MRPS27: variants seen among roughly 807,000 people sequenced by gnomAD.
MRPS27 encodes mitochondrial ribosomal protein S27, also known as small ribosomal subunit protein mS27.
A neutral mutation model predicts 48.9 loss-of-function variants in MRPS27; 43 were observed. The ratio of observed to expected loss-of-function variants is 0.88; its 90% confidence interval spans 0.69 to 1.13. The LOEUF is 1.13. MRPS27 is among the 50% of genes most tolerant of loss of function. MRPS27 has a pLI of 0.00. For synonymous variants in MRPS27, 188 were observed against 171.9 expected (o/e 1.09, Z -0.73); for missense variants, 467 against 476.3 (o/e 0.98, Z 0.18).
chr5:72,254,115 TA>T (rs1281880534), intron 4 of MRPS27, among the ~76,000 whole-genome samples: 4 of 152,302 alleles, frequency 2.6e-5, no homozygotes, highest in East Asian at 1.9e-4. Context: ...ATAATACTCA[TA>T]AAATCTTCTT....
intron 4 of MRPS27, among the ~76,000 whole-genome samples, chr5:72,250,020 A>G (rs1252650843): frequency 2.0e-5 from 3 of 151,836 alleles, no homozygotes; most frequent in Admixed American, 1.3e-4. Context: ...TAACAAAAAA[A>G]CTCCAAGTAT....
At chr5:72,295,060 T>A (rs1385983039) in intron 4 of MRPS27, among the ~76,000 whole-genome samples, 1 of 152,158 alleles carries the variant, frequency 6.6e-6, no homozygotes, top group African/African-American at 2.4e-5. Context: ...TTTGTGTGTG[T>A]GTGTATAAAT....
chr5:72,287,942 C>T (rs982855766), intron 4 of MRPS27, among the ~76,000 whole-genome samples: 1 of 152,214 alleles, frequency 6.6e-6, no homozygotes, highest in African/African-American at 2.4e-5. Flanking sequence ...CGCATCTATA[C>T]AAAGACTTGT....
chr5:72,223,667 T>G lies in MRPS27; in HGVS notation c.1005+16A>C, dbSNP rs144450614. 1 of 1,613,674 alleles carries G rather than the reference T, an allele frequency of 6.2e-7. No homozygotes were observed. Among genetic ancestry groups the G allele is most frequent in the South Asian group, 1.1e-5 (1 of 91,054 alleles). ...TTTATGCGCTGCTAAGAGAGACACG[T>G]TCTGCTATGATTCACCTTAAATCGT... On this transcript the variant is annotated intron_variant, in intron 10 of 10. Coordinates refer to ENST00000261413, the MANE Select transcript of MRPS27 (RefSeq NM_015084.3).
At chr5:72,221,773 G>A (rs1043108201) in intron 10 of MRPS27, among the ~76,000 whole-genome samples, 3 of 152,232 alleles carry the variant, frequency 2.0e-5, no homozygotes, top group Non-Finnish European at 2.9e-5. Flanking sequence ...AGAAGCGTCT[G>A]CCTGCTGTGC....
rs188024126 is a variant in MRPS27 at position 72,226,057 on chromosome 5, C to T, written c.837G>A (p.Ala279=). Residue 279 remains alanine (A), a splice_region_variant and synonymous_variant, in exon 9 of 11, where the codon GCG becomes GCA. Transcript: ENST00000261413. ...ACTGCCTTAGAGCTGAAGAACATAC[C>T]GCTTCTCTACACAGCTTTATGTCTT... ...SPEDIKLCRE[A]LDVLGAVLKA... The T allele has an allele frequency of 4.3e-5, 70 of 1,610,730 alleles. No individual in the cohort carries two copies. The highest frequency in any genetic ancestry group is 2.7e-4 in the East Asian group (12 of 44,738).
At chr5:72,272,674 G>A (rs899369162) in intron 4 of MRPS27, among the ~76,000 whole-genome samples, 2 of 152,310 alleles carry the variant, frequency 1.3e-5, no homozygotes, top group African/African-American at 4.8e-5. Flanking sequence ...GTATGGCTTA[G>A]CTGCAAGTAC....
chr5:72,295,828 A>C (rs549554700), intron 3 of MRPS27, among the ~76,000 whole-genome samples: 3 of 152,242 alleles, frequency 2.0e-5, no homozygotes, highest in Non-Finnish European at 4.4e-5. Flanking sequence ...AACCTTGATC[A>C]GAAAACGGAT....
chr5:72,296,081 T>C (rs1271844797), intron 3 of MRPS27, among the ~76,000 whole-genome samples: 1 of 152,202 alleles, frequency 6.6e-6, no homozygotes, highest in East Asian at 1.9e-4. Flanking sequence ...AGCTCTGCTA[T>C]GCAACAGTAA....
intron 2 of MRPS27, among the ~76,000 whole-genome samples, chr5:72,298,684 G>T (rs1283275308): frequency 7.3e-6 from 1 of 136,640 alleles, no homozygotes; most frequent in African/African-American, 2.7e-5. Context: ...CCGCAGTCCG[G>T]CCTGGGAGAC....
At chr5:72,319,096 G>C (rs76142723) in intron 1 of MRPS27, among the ~76,000 whole-genome samples, 14 of 152,304 alleles carry the variant, frequency 9.2e-5, no homozygotes, top group African/African-American at 3.4e-4. Context: ...AGGTTGGAAA[G>C]GGAAGATAAG....
intron 2 of MRPS27, among the ~76,000 whole-genome samples, chr5:72,311,581 G>A (rs368620926): frequency 1.3e-5 from 2 of 152,122 alleles, no homozygotes; most frequent in Non-Finnish European, 2.9e-5. Context: ...GGCTTCATAA[G>A]AGGAAGAGAG....
At chr5:72,249,971 G>A (rs1011828036) in intron 4 of MRPS27, among the ~76,000 whole-genome samples, 4 of 151,736 alleles carry the variant, frequency 2.6e-5, no homozygotes, top group Non-Finnish European at 5.9e-5. Flanking sequence ...GCGACAGAAC[G>A]AGACTCCATC....
At chr5:72,247,565 CA>C (rs1186712143) in intron 4 of MRPS27, among the ~76,000 whole-genome samples, 1 of 152,124 alleles carries the variant, frequency 6.6e-6, no homozygotes, top group Non-Finnish European at 1.5e-5. Context: ...TCTAAAATTT[CA>C]AGGTGAAATG....
intron 5 of MRPS27, among the ~76,000 whole-genome samples, chr5:72,236,699 C>T (rs1748206563): frequency 6.6e-6 from 1 of 152,004 alleles, no homozygotes; most frequent in South Asian, 2.1e-4. Context: ...ATACCTTATA[C>T]CCCAGGAAAA....
At chr5:72,241,193 A>G (rs987572209) in intron 4 of MRPS27, among the ~76,000 whole-genome samples, 1 of 151,998 alleles carries the variant, frequency 6.6e-6, no homozygotes. Flanking sequence ...GGGTCTTGCT[A>G]TGTTGTTCAG....
chr5:72,221,294 G>T, intron 10 of MRPS27, 146 bp from the exon 11 acceptor site: 1 of 1,024,172 alleles, frequency 9.8e-7, no homozygotes, highest in Non-Finnish European at 1.4e-6. Flanking sequence ...TAGTGGCCCA[G>T]AATGAAGTCA....
chr5:72,253,537 A>G (rs1748720230), intron 4 of MRPS27, among the ~76,000 whole-genome samples: 1 of 152,230 alleles, frequency 6.6e-6, no homozygotes, highest in Non-Finnish European at 1.5e-5. Context: ...AAATTCTAAG[A>G]CAAAAGGCGA....
At chr5:72,307,740 C>G (rs555470066) in intron 2 of MRPS27, among the ~76,000 whole-genome samples, 1 of 152,068 alleles carries the variant, frequency 6.6e-6, no homozygotes, top group Non-Finnish European at 1.5e-5. Flanking sequence ...TAAGTGGGGG[C>G]CGCAATAAGG....
Sources: gnomAD v4.1 joint callset for allele counts (sites outside exome capture counted in the v4.1 genomes callset) on GRCh38, gnomAD v4.1.1 for gene constraint, MANE v1.5 for transcripts, NCBI Gene and HGNC (gene_info 2026-07-23, HGNC 2026-07-21) for gene names.